Variants in ENOX1 observed in about 807,000 individuals in gnomAD.
ENOX1 encodes ecto-NOX disulfide-thiol exchanger 1, also known as candidate growth-related and time keeping constitutive hydroquinone (NADH) oxidase.
ENOX1 carries 42 observed loss-of-function variants against 82.5 expected under a neutral mutation model. The ratio of observed to expected loss-of-function variants is 0.51; its 90% CI spans 0.40 to 0.66. The LOEUF is 0.66. ENOX1 is among the 30% of genes least tolerant of loss of function. The probability of loss-of-function intolerance (pLI) is 0.00; values close to 1 mark genes in which losing one functional copy is unlikely to be tolerated. For missense variants in ENOX1, 608 were observed against 811.6 expected (o/e 0.75, Z 3.05); for synonymous variants, 271 against 282.2 (o/e 0.96, Z 0.40).
intron 3 of ENOX1, among the ~76,000 whole-genome samples, chr13:43,470,914 G>T (rs1425905268): frequency 1.3e-5 from 2 of 152,122 alleles, no homozygotes; most frequent in East Asian, 3.9e-4. Flanking sequence ...CTCACATTTT[G>T]TTGGTGGGAA....
At position 43,750,746 on chromosome 13, in the gene ENOX1, C is replaced by T. The variant is rs113714606; in HGVS notation, c.-285+35906G>A. Among the ~76,000 whole-genome samples, 332 of 152,272 alleles carry T rather than the reference C, an allele frequency of 2.2e-3. 8 individuals are homozygous for T. The East Asian group carries it at 0.051, about 23-fold the overall frequency. On this transcript the variant is annotated intron_variant, in intron 1 of 16. Transcript: ENST00000690772. ...TGTGTATGCAGCTACACAGTTGACA[C>T]GTGGTGCATAATGTTCCATGCGATC... is the stretch of plus-strand genomic sequence containing the variant.
rs145188966 is a variant in ENOX1 at position 43,510,903 on chromosome 13, A to C, written c.-218-26751T>G. Among the ~76,000 whole-genome samples, 3 of 152,246 alleles carry C rather than the reference A, an allele frequency of 2.0e-5. No individual in the cohort carries two copies. The East Asian group carries it at 5.8e-4, about 29-fold the overall frequency. On this transcript the variant is annotated intron_variant, in intron 2 of 16. Coordinates refer to ENST00000690772, the MANE Select transcript of ENOX1 (RefSeq NM_001347969.2). Reference sequence around the variant, plus strand: ...AAAGTAAGCATTAAGTACGGCTGCTAGTGTTGTTGCTACCACTCCTATTAC... The same window carrying C: ...AAAGTAAGCATTAAGTACGGCTGCTCGTGTTGTTGCTACCACTCCTATTAC...
intron 1 of ENOX1, among the ~76,000 whole-genome samples, chr13:43,681,840 A>T (rs1366101322): frequency 6.6e-6 from 1 of 152,078 alleles, no homozygotes; most frequent in Non-Finnish European, 1.5e-5. Context: ...TACAGACTTC[A>T]AATCATTTAT....
intron 1 of ENOX1, among the ~76,000 whole-genome samples, chr13:43,779,561 G>T (rs1952130696): frequency 1.3e-5 from 2 of 152,236 alleles, no homozygotes; most frequent in Non-Finnish European, 2.9e-5. Flanking sequence ...AACTGACTAT[G>T]TCTGCTGCAC....
At chr13:43,492,246 T>C (rs2076644620) in intron 2 of ENOX1, among the ~76,000 whole-genome samples, 1 of 152,202 alleles carries the variant, frequency 6.6e-6, no homozygotes, top group African/African-American at 2.4e-5. Context: ...AAATATATTC[T>C]GCCCCAGTTG....
intron 1 of ENOX1, among the ~76,000 whole-genome samples, chr13:43,747,492 C>T (rs1401186649): frequency 1.3e-5 from 2 of 152,174 alleles, no homozygotes; most frequent in Non-Finnish European, 2.9e-5. Context: ...TATGTCTGGA[C>T]CTGTTGCCTT....
chr13:43,513,291 A>G (rs2077439487), intron 2 of ENOX1, among the ~76,000 whole-genome samples: 1 of 152,152 alleles, frequency 6.6e-6, no homozygotes, highest in African/African-American at 2.4e-5. Flanking sequence ...CCTGGGTGAT[A>G]GAGCAGGGGA....
At chr13:43,592,838 G>A (rs1452848835) in intron 2 of ENOX1, among the ~76,000 whole-genome samples, 1 of 152,142 alleles carries the variant, frequency 6.6e-6, no homozygotes, top group Non-Finnish European at 1.5e-5. Flanking sequence ...ATTAGGATCT[G>A]ATAAAATCAA....
At chr13:43,420,507 T>C (rs922076477) in intron 3 of ENOX1, among the ~76,000 whole-genome samples, 2 of 152,208 alleles carry the variant, frequency 1.3e-5, no homozygotes, top group Admixed American at 6.5e-5. Flanking sequence ...TTCATCTTAT[T>C]GTTAAGGGAG....
chr13:43,235,394 CT>C (rs2042486359), intron 15 of ENOX1, among the ~76,000 whole-genome samples: 1 of 152,142 alleles, frequency 6.6e-6, no homozygotes. Flanking sequence ...TCTCTAGGTC[CT>C]GTTGTACCTG....
chr13:43,474,134 T>C (rs1322495189), intron 3 of ENOX1, among the ~76,000 whole-genome samples: 1 of 152,202 alleles, frequency 6.6e-6, no homozygotes, highest in African/African-American at 2.4e-5. Context: ...CCTTCCACTA[T>C]GTATCATCCT....
intron 11 of ENOX1, among the ~76,000 whole-genome samples, chr13:43,301,732 T>C (rs1248667148): frequency 1.3e-5 from 2 of 152,192 alleles, no homozygotes; most frequent in Non-Finnish European, 2.9e-5. Flanking sequence ...AGTAGTTATC[T>C]TCTAAAGGGT....
Position 43,361,397 on chromosome 13 carries a change from G to C in ENOX1, c.264C>G (p.Thr88=). 2 of 1,613,004 alleles carry C rather than the reference G, an allele frequency of 1.2e-6. No homozygotes were observed. The highest frequency in any genetic ancestry group is 8.5e-7 in the Non-Finnish European group (1 of 1,179,736). The change falls in exon 6 of 17, where the codon ACC becomes ACG. Residue 88 remains threonine, a synonymous_variant. Transcript: ENST00000690772. The part of the protein sequence containing the change: ...DPSLNMMTGI[T]PINPMIPGLG... ...GGCCTGGTATCATTGGGTTAATGGG[G>C]GTGATTCCAGTCATCATGTTGAGGC...
chr13:43,599,874 G>A (rs559562763), intron 2 of ENOX1, among the ~76,000 whole-genome samples: 65 of 151,816 alleles, frequency 4.3e-4, no homozygotes, highest in African/African-American at 1.5e-3. Flanking sequence ...AGGGCACCAG[G>A]CAAAGTCCTG....
Position 43,314,392 on chromosome 13 carries a change from G to A in ENOX1, c.1261+7992C>T, listed in dbSNP as rs377038676. On this transcript the variant is annotated intron_variant, in intron 11 of 16. Transcript: ENST00000690772. ...AGTTATGTGGCTCTTAACTACCTAC[G>A]GTTACTAGAATTCTACAAGACATCA... 6.6e-5 allele frequency among the ~76,000 whole-genome samples: 10 copies of A among 152,236 alleles called. No individual in the cohort carries two copies. In the East Asian group the frequency reaches 7.7e-4, roughly 12 times the overall value.
chr13:43,660,537 C>T (rs979185954), intron 2 of ENOX1, among the ~76,000 whole-genome samples: 1 of 152,132 alleles, frequency 6.6e-6, no homozygotes, highest in African/African-American at 2.4e-5. Flanking sequence ...ATTTAATAAT[C>T]GCATGCTCTT....
intron 1 of ENOX1, among the ~76,000 whole-genome samples, chr13:43,768,289 T>C (rs904894979): frequency 6.6e-6 from 1 of 152,200 alleles, no homozygotes; most frequent in African/African-American, 2.4e-5. Flanking sequence ...TTTTCTGTAA[T>C]GAACATATGC....
intron 12 of ENOX1, among the ~76,000 whole-genome samples, chr13:43,288,856 TTAAAATTAG>T (rs1226707742): frequency 6.6e-6 from 1 of 152,138 alleles, no homozygotes; most frequent in Non-Finnish European, 1.5e-5. Context: ...ATAATGGCTC[TTAAAATTAG>T]TAAAGTTTCA....
At chr13:43,302,077 C>A (rs941157504) in intron 11 of ENOX1, among the ~76,000 whole-genome samples, 2 of 148,262 alleles carry the variant, frequency 1.3e-5, no homozygotes, top group East Asian at 2.0e-4. Context: ...TGAGACTGCA[C>A]AATGAATCCA....
Sources: allele counts gnomAD v4.1 joint callset (sites outside exome capture counted in the v4.1 genomes callset), GRCh38; gene constraint gnomAD v4.1.1; transcripts MANE v1.5; gene names NCBI Gene and HGNC (gene_info 2026-07-23, HGNC 2026-07-21).